Variants in HPSE2 observed in about 807,000 individuals in gnomAD.
The protein encoded by HPSE2 is heparanase 2 (inactive).
In HPSE2, 38 loss-of-function variants were observed where a neutral mutation model predicts 60.5. That is an observed-to-expected ratio of 0.63 (90% CI 0.48 to 0.82). The LOEUF is 0.82. HPSE2 is among the 40% of genes least tolerant of loss of function. The pLI is 0.00. For missense variants in HPSE2, 713 were observed against 740.4 expected, an observed-to-expected ratio of 0.96 and a Z score of 0.43; for synonymous variants, 295 against 293.2, an observed-to-expected ratio of 1.01 and a Z score of -0.06.
chr10:98,972,864 C>T (rs907407923), intron 3 of HPSE2, among the ~76,000 whole-genome samples: 6 of 152,126 alleles, frequency 3.9e-5, no homozygotes, highest in Non-Finnish European at 8.8e-5. Context: ...TAATGTAGTT[C>T]TTCTTAATGT....
At chr10:99,142,408 T>C (rs776194497) in intron 3 of HPSE2, among the ~76,000 whole-genome samples, 1 of 152,214 alleles carries the variant, frequency 6.6e-6, no homozygotes, top group Non-Finnish European at 1.5e-5. Flanking sequence ...CCATTGGTGC[T>C]AAACTGAAAT....
At chr10:98,914,202 C>T (rs1253817881) in intron 3 of HPSE2, among the ~76,000 whole-genome samples, 2 of 152,168 alleles carry the variant, frequency 1.3e-5, no homozygotes, top group Non-Finnish European at 2.9e-5. Flanking sequence ...TCTGATGGTT[C>T]TATAAGGGGG....
chr10:98,910,798 T>C (rs1050068822), intron 3 of HPSE2, among the ~76,000 whole-genome samples: 4 of 152,122 alleles, frequency 2.6e-5, no homozygotes. Context: ...TATACCAAAT[T>C]CAACACAAAA....
At chr10:98,610,077 G>A (rs189031357) in intron 9 of HPSE2, among the ~76,000 whole-genome samples, 9 of 152,142 alleles carry the variant, frequency 5.9e-5, no homozygotes, top group Admixed American at 3.3e-4. Context: ...CCCTGACCTC[G>A]TGATCCGCCC....
At chr10:99,016,544 T>C (rs1168840319) in intron 3 of HPSE2, among the ~76,000 whole-genome samples, 2 of 151,582 alleles carry the variant, frequency 1.3e-5, no homozygotes, top group Non-Finnish European at 1.5e-5. Flanking sequence ...TTTAAAATAG[T>C]TTTTTTTTCT....
chr10:98,780,155 G>A (rs1950431623), intron 3 of HPSE2, among the ~76,000 whole-genome samples: 1 of 152,122 alleles, frequency 6.6e-6, no homozygotes, highest in South Asian at 2.1e-4. Flanking sequence ...TCTGAGATCT[G>A]TTTACAAAGT....
At chr10:98,959,487 G>A (rs1955594672) in intron 3 of HPSE2, among the ~76,000 whole-genome samples, 1 of 151,788 alleles carries the variant, frequency 6.6e-6, no homozygotes, top group African/African-American at 2.4e-5. Context: ...TGTCTTGACT[G>A]ACAGCATTTA....
At chr10:99,206,500 C>T (rs1210089050) in intron 2 of HPSE2, among the ~76,000 whole-genome samples, 4 of 148,908 alleles carry the variant, frequency 2.7e-5, no homozygotes, top group Non-Finnish European at 4.4e-5. Context: ...GCTGAGGTAG[C>T]AGGATCGCTT....
intron 3 of HPSE2, among the ~76,000 whole-genome samples, chr10:98,830,952 A>C (rs1336386): frequency 3.3e-5 from 5 of 152,184 alleles, no homozygotes; most frequent in African/African-American, 1.2e-4. Context: ...ATTTAGGTTT[A>C]AGTTCCCAGA....
chr10:98,918,013 C>T (rs1954170300), intron 3 of HPSE2, among the ~76,000 whole-genome samples: 1 of 152,164 alleles, frequency 6.6e-6, no homozygotes, highest in Non-Finnish European at 1.5e-5. Context: ...TCAACTCTTG[C>T]CTCTTGCGTC....
intron 9 of HPSE2, among the ~76,000 whole-genome samples, chr10:98,595,186 T>G (rs1589473047): frequency 8.0e-6 from 1 of 125,204 alleles, no homozygotes; most frequent in Non-Finnish European, 1.7e-5. Context: ...TTTTTTTTTT[T>G]TGAGACGGAG....
chr10:98,644,257 C>T (rs781212388), intron 6 of HPSE2, among the ~76,000 whole-genome samples: 6 of 152,112 alleles, frequency 3.9e-5, no homozygotes, highest in Admixed American at 1.3e-4. Flanking sequence ...ATGCTGGGCA[C>T]GGGACCTGTC....
chr10:98,624,169 A>G (rs906902297), intron 7 of HPSE2, among the ~76,000 whole-genome samples: 1 of 147,408 alleles, frequency 6.8e-6, no homozygotes, highest in African/African-American at 2.5e-5. Context: ...AAGGAGAATA[A>G]TAATAAACAA....
intron 9 of HPSE2, among the ~76,000 whole-genome samples, chr10:98,605,646 A>C (rs1252395666): frequency 6.6e-6 from 1 of 152,190 alleles, no homozygotes. Flanking sequence ...AGGCAGTGAG[A>C]TACACCACTA....
intron 3 of HPSE2, among the ~76,000 whole-genome samples, chr10:98,754,385 C>G (rs527292409): frequency 6.6e-6 from 1 of 152,022 alleles, no homozygotes; most frequent in African/African-American, 2.4e-5. Flanking sequence ...CTATGACTCG[C>G]TGGCATTCTT....
intron 3 of HPSE2, among the ~76,000 whole-genome samples, chr10:98,806,961 G>A (rs191856409): frequency 0.013 from 2,046 of 152,164 alleles, 40 homozygotes; most frequent in African/African-American, 0.046. Flanking sequence ...GGCCAACATG[G>A]TGAAACCCCA....
intron 3 of HPSE2, among the ~76,000 whole-genome samples, chr10:98,842,451 A>G (rs1951937089): frequency 6.6e-6 from 1 of 151,800 alleles, no homozygotes; most frequent in Non-Finnish European, 1.5e-5. Context: ...CTGTCATGTC[A>G]ATGATGTAAA....
intron 3 of HPSE2, among the ~76,000 whole-genome samples, chr10:99,051,191 G>A (rs1957983351): frequency 6.6e-6 from 1 of 152,154 alleles, no homozygotes; most frequent in African/African-American, 2.4e-5. Flanking sequence ...GCTGAGGCAG[G>A]AGAATGGCAT....
intron 4 of HPSE2, among the ~76,000 whole-genome samples, chr10:98,738,808 A>C (rs991393463): frequency 3.6e-4 from 55 of 152,370 alleles, no homozygotes; most frequent in African/African-American, 1.3e-3. Flanking sequence ...TGATCATTAA[A>C]AAGTCAGAGA....
Sources: gnomAD v4.1 joint callset for allele counts (sites outside exome capture counted in the v4.1 genomes callset) on GRCh38, gnomAD v4.1.1 for gene constraint, MANE v1.5 for transcripts, NCBI Gene and HGNC (gene_info 2026-07-23, HGNC 2026-07-21) for gene names.